The following ZNF185 variants were observed in gnomAD, a reference collection of about 807,000 sequenced individuals.
ZNF185 encodes the protein zinc finger protein 185 with LIM domain.
Under a neutral mutation model 58.6 loss-of-function variants are expected in ZNF185, and 56 were observed. The ratio of observed to expected loss-of-function variants is 0.95; its 90% CI spans 0.77 to 1.19. The LOEUF (loss-of-function observed/expected upper bound fraction) is 1.19, where lower values mean the gene tolerates loss of function less well. ZNF185 is among the 50% of genes most tolerant of loss of function. ZNF185 has a pLI of 0.00. For synonymous variants in ZNF185, 230 were observed against 215.9 expected (o/e 1.07, Z -0.57); for missense variants, 627 against 573.5 (o/e 1.09, Z -0.95).
chrX:152,899,150 G>A, the ZNF185 span, among the ~76,000 whole-genome samples: 1 of 112,305 alleles, frequency 8.9e-6, no homozygotes, highest in African/African-American at 3.2e-5. Flanking sequence ...AAAGCTGTGA[G>A]CCCCGAGAGA....
chrX:152,917,955 G>A (rs890345934), intron 5 of ZNF185, 110 bp from the exon 7 acceptor site: 9 of 1,128,736 alleles, frequency 8.0e-6, no homozygotes, highest in Non-Finnish European at 1.1e-5. Context: ...AAGAGGAAAG[G>A]CTCCCAGGCA....
rs1440250008 is a variant in ZNF185, at chrX:152,924,693, GT to G, written c.830+1889del. 1.1e-4 allele frequency among the ~76,000 whole-genome samples: 12 copies of G among 111,789 alleles called. No homozygotes were observed. In the South Asian group the frequency reaches 3.0e-3, roughly 28 times the overall value. ...GTTTGTTCGTTTGTTTGTTTTGTTT[GT>G]TTTTGAGATGGAGTCTCGCTCTGTC... On this transcript the variant is annotated intron_variant, in intron 11 of 22. Coordinates refer to ENST00000449285, the Ensembl canonical transcript of ZNF185.
At chrX:152,928,661 G>A (rs782763919) in exon 12 of ZNF185, 3 of 1,209,416 alleles carry the variant, frequency 2.5e-6, no homozygotes, top group Non-Finnish European at 3.4e-6. Context: ...GAAGGCATGA[G>A]GTATGGGGGT....
At chrX:152,959,667 A>G in intron 16 of ZNF185, 32 bp from the exon 19 acceptor site, 1 of 1,183,604 alleles carries the variant, frequency 8.4e-7, no homozygotes, top group Non-Finnish European at 1.1e-6. Flanking sequence ...GTCTCAGGGC[A>G]CTCACTTCAT....
intron 15 of ZNF185, among the ~76,000 whole-genome samples, chrX:152,943,332 G>C (rs1406421317): frequency 1.8e-5 from 2 of 112,281 alleles, no homozygotes; most frequent in Admixed American, 1.9e-4. Context: ...GAAGTGTGTA[G>C]ATTATGGTTG....
intron 14 of ZNF185, among the ~76,000 whole-genome samples, chrX:152,933,869 C>G (rs1569503028): frequency 8.9e-6 from 1 of 112,250 alleles, no homozygotes; most frequent in Non-Finnish European, 1.9e-5. Context: ...CCCTCACTAA[C>G]TTCAATAGTT....
intron 14 of ZNF185, among the ~76,000 whole-genome samples, chrX:152,933,209 C>T (rs1454901150): frequency 4.4e-5 from 5 of 112,925 alleles, no homozygotes; most frequent in African/African-American, 1.6e-4. Flanking sequence ...CCAGAGTAGG[C>T]ACTAGGCCCA....
chrX:152,945,406 C>T (rs782281165), exon 16 of ZNF185: 2 of 1,207,483 alleles, frequency 1.7e-6, no homozygotes, highest in Non-Finnish European at 2.2e-6. Flanking sequence ...CACCCCAGAG[C>T]GGCAGAGCAG....
upstream of ZNF185, among the ~76,000 whole-genome samples, chrX:152,910,837 T>C (rs1254235865): frequency 1.8e-5 from 2 of 111,878 alleles, no homozygotes; most frequent in Non-Finnish European, 3.8e-5. Flanking sequence ...TCTGGAGGGG[T>C]CCACATTCCA....
chrX:152,927,874 G>A (rs1941171846), intron 11 of ZNF185, among the ~76,000 whole-genome samples: 1 of 112,570 alleles, frequency 8.9e-6, no homozygotes, highest in African/African-American at 3.2e-5. Context: ...TTTGCTCCAT[G>A]GACCTAAGGA....
At chrX:152,931,859 G>A (rs1306341131) in intron 13 of ZNF185, 83 bp downstream of exon 14, 10 of 847,120 alleles carry the variant, frequency 1.2e-5, no homozygotes, top group Middle Eastern at 8.7e-4. Context: ...CATGGCCTCC[G>A]GTGCAATGTC....
intron 15 of ZNF185, among the ~76,000 whole-genome samples, chrX:152,939,101 T>C (rs140222913): frequency 1.1e-4 from 12 of 112,023 alleles, no homozygotes; most frequent in Non-Finnish European, 1.9e-4. Flanking sequence ...TTGGATCTTA[T>C]TTCAAGTTTT....
chrX:152,918,963 G>A lies in ZNF185; in HGVS notation c.432-20G>A. 1 of 1,175,459 alleles carries A rather than the reference G, an allele frequency of 8.5e-7. No homozygotes were observed. The highest frequency in any genetic ancestry group is 1.2e-6 in the Non-Finnish European group (1 of 865,604). On this transcript the variant is annotated intron_variant, in intron 6 of 22. Coordinates refer to ENST00000449285, the Ensembl canonical transcript of ZNF185. The stretch of plus-strand genomic sequence containing the variant: ...GAGGGTGGCAGCCTATGACAGGAAA[G>A]CGCCTCTCCCCTCTCTTAGGGCACC...
chrX:152,934,094 G>A (rs2045997237), intron 14 of ZNF185, among the ~76,000 whole-genome samples: 1 of 112,888 alleles, frequency 8.9e-6, no homozygotes, highest in African/African-American at 3.2e-5. Context: ...CATCTGCAGA[G>A]GCATTGGAGG....
At chrX:152,900,230 G>A in the ZNF185 span, among the ~76,000 whole-genome samples, 1 of 112,331 alleles carries the variant, frequency 8.9e-6, no homozygotes, top group South Asian at 3.7e-4. Context: ...ACCTGGCCAC[G>A]ATAGGCATCG....
chrX:152,917,150 C>G (rs1556866314), exon 4 of ZNF185: 4 of 1,209,960 alleles, frequency 3.3e-6, no homozygotes, highest in Non-Finnish European at 4.5e-6. Flanking sequence ...CACAAGGGCT[C>G]CCACTGGCTA....
At chrX:152,945,200 C>G (rs782727881) in intron 15 of ZNF185, 67 bp from the exon 18 acceptor site, 8 of 1,102,859 alleles carry the variant, frequency 7.3e-6, no homozygotes, top group Non-Finnish European at 9.7e-6. Context: ...AGCCAGCTTG[C>G]GTCCTGGGGC....
chrX:152,940,620 G>C (rs2047082753), intron 15 of ZNF185, among the ~76,000 whole-genome samples: 1 of 111,821 alleles, frequency 8.9e-6, no homozygotes, highest in South Asian at 3.7e-4. Context: ...AGAAGCAATA[G>C]ATGGCCAATG....
chrX:152,921,114 C>A (rs1234424428), intron 9 of ZNF185, among the ~76,000 whole-genome samples: 1 of 112,196 alleles, frequency 8.9e-6, no homozygotes, highest in Non-Finnish European at 1.9e-5. Context: ...GGAGAACTTC[C>A]CCTGGGAGGT....
Sources: gnomAD v4.1 joint callset for allele counts (sites outside exome capture counted in the v4.1 genomes callset) on GRCh38, gnomAD v4.1.1 for gene constraint, MANE v1.5 for transcripts, NCBI Gene and HGNC (gene_info 2026-07-23, HGNC 2026-07-21) for gene names.